The following ANKS1B variants were observed in gnomAD, a reference collection of about 807,000 sequenced individuals.
ANKS1B encodes the protein ankyrin repeat and sterile alpha motif domain-containing protein 1B.
A neutral mutation model predicts 148.3 loss-of-function variants in ANKS1B; 36 were observed. The ratio of observed to expected loss-of-function variants is 0.24; its 90% CI spans 0.19 to 0.32. ANKS1B has a LOEUF of 0.32. ANKS1B is among the 10% of genes least tolerant of loss of function. ANKS1B has a pLI of 1.00. For missense variants in ANKS1B, 1,157 were observed against 1,542.6 expected, an observed-to-expected ratio of 0.75 and a Z score of 4.19; for synonymous variants, 542 against 560.8, an observed-to-expected ratio of 0.97 and a Z score of 0.47.
chr12:98,789,961 A>G (rs1435061653), intron 22 of ANKS1B, among the ~76,000 whole-genome samples: 1 of 152,226 alleles, frequency 6.6e-6, no homozygotes, highest in Non-Finnish European at 1.5e-5. Context: ...TTACACAAGC[A>G]TAAGATGTTA....
chr12:99,110,008 G>A (rs2059983323), intron 15 of ANKS1B, among the ~76,000 whole-genome samples: 1 of 152,138 alleles, frequency 6.6e-6, no homozygotes, highest in Admixed American at 6.6e-5. Context: ...GCTAATTAGT[G>A]ACAGAACTTG....
intron 12 of ANKS1B, among the ~76,000 whole-genome samples, chr12:99,319,669 C>A (rs1428524546): frequency 1.3e-5 from 2 of 152,148 alleles, no homozygotes. Flanking sequence ...GCATTTAGCC[C>A]ATTTACATTT....
intron 25 of ANKS1B, 90 bp downstream of exon 25, chr12:98,772,952 G>C: frequency 6.9e-7 from 1 of 1,446,506 alleles, no homozygotes; most frequent in African/African-American, 1.4e-5. Context: ...AACAAGCCAA[G>C]CTAGTGTGTT....
chr12:99,769,026 C>G (rs1421843645), intron 8 of ANKS1B, among the ~76,000 whole-genome samples: 1 of 148,942 alleles, frequency 6.7e-6, no homozygotes, highest in Non-Finnish European at 1.5e-5. Context: ...TTTTTTTTTC[C>G]AAGCCACCCA....
At chr12:98,893,348 C>T (rs920441919) in intron 17 of ANKS1B, among the ~76,000 whole-genome samples, 49 of 152,160 alleles carry the variant, frequency 3.2e-4, no homozygotes, top group African/African-American at 1.1e-3. Flanking sequence ...ACCCAGATAC[C>T]AGCGGCATCC....
intron 1 of ANKS1B, among the ~76,000 whole-genome samples, chr12:99,903,756 A>G (rs7132698): frequency 6.6e-6 from 1 of 151,636 alleles, no homozygotes; most frequent in Non-Finnish European, 1.5e-5. Flanking sequence ...GGAGGGGGGG[A>G]GAGGGATAAA....
At chr12:99,044,438 C>A (rs1483858627) in intron 17 of ANKS1B, among the ~76,000 whole-genome samples, 1 of 150,694 alleles carries the variant, frequency 6.6e-6, no homozygotes, top group Non-Finnish European at 1.5e-5. Context: ...CAGGAGTAAG[C>A]CATGAGGGTT....
intron 15 of ANKS1B, among the ~76,000 whole-genome samples, chr12:99,092,422 CAGTT>C (rs2054344616): frequency 7.3e-6 from 1 of 137,148 alleles, no homozygotes; most frequent in Non-Finnish European, 1.5e-5. Context: ...GAAAGGAAAA[CAGTT>C]AGCAGCTGTC....
chr12:99,320,456 T>G (rs1228797108), intron 12 of ANKS1B, among the ~76,000 whole-genome samples: 1 of 152,214 alleles, frequency 6.6e-6, no homozygotes, highest in Non-Finnish European at 1.5e-5. Context: ...CTTCAATCAC[T>G]GATACCCTTT....
At chr12:99,751,812 A>C (rs1017060861) in intron 8 of ANKS1B, among the ~76,000 whole-genome samples, 3 of 152,102 alleles carry the variant, frequency 2.0e-5, no homozygotes, top group Admixed American at 6.6e-5. Flanking sequence ...TTGGGACTCT[A>C]TATTATAAAA....
intron 1 of ANKS1B, among the ~76,000 whole-genome samples, chr12:99,902,845 G>A (rs1332401438): frequency 4.0e-5 from 6 of 151,588 alleles, no homozygotes; most frequent in African/African-American, 9.7e-5. Context: ...CCACCTCCTG[G>A]GTTAAAGCAA....
At chr12:99,557,832 G>T in intron 9 of ANKS1B, among the ~76,000 whole-genome samples, 1 of 152,120 alleles carries the variant, frequency 6.6e-6, no homozygotes, top group African/African-American at 2.4e-5. Context: ...TTTAGATGAG[G>T]TTTTTTGCTT....
chr12:98,895,135 C>T (rs1191418197), intron 17 of ANKS1B: 1 of 985,176 alleles, frequency 1.0e-6, no homozygotes, highest in African/African-American at 1.8e-5. Context: ...GGGCTTACCG[C>T]TCGGGCGGAC....
intron 15 of ANKS1B, among the ~76,000 whole-genome samples, chr12:99,094,985 T>C (rs2055451522): frequency 6.6e-6 from 1 of 150,524 alleles, no homozygotes; most frequent in African/African-American, 2.5e-5. Flanking sequence ...GGAAATGTGA[T>C]GAAATATGAC....
At chr12:98,872,697 G>C (rs1055269730) in intron 17 of ANKS1B, among the ~76,000 whole-genome samples, 3 of 152,168 alleles carry the variant, frequency 2.0e-5, no homozygotes, top group Admixed American at 6.5e-5. Flanking sequence ...AAGCTAAGGA[G>C]AGAGGTCTCA....
At chr12:99,404,246 A>T in intron 11 of ANKS1B, among the ~76,000 whole-genome samples, 1 of 145,872 alleles carries the variant, frequency 6.9e-6, no homozygotes, top group Non-Finnish European at 1.5e-5. Flanking sequence ...CCTGGGTGAC[A>T]AAATAATCTG....
chr12:98,902,858 G>A (rs77607624), intron 17 of ANKS1B, among the ~76,000 whole-genome samples: 5,169 of 152,258 alleles, frequency 0.034, 276 homozygotes, highest in African/African-American at 0.12. Flanking sequence ...AGTTATTCCA[G>A]CTTATCAACA....
intron 4 of ANKS1B, among the ~76,000 whole-genome samples, chr12:99,787,573 T>C (rs2065143402): frequency 6.6e-6 from 1 of 152,196 alleles, no homozygotes; most frequent in South Asian, 2.1e-4. Flanking sequence ...AATTGCAGAA[T>C]ATAAGCCTAC....
intron 12 of ANKS1B, among the ~76,000 whole-genome samples, chr12:99,280,607 G>A (rs1409747773): frequency 2.0e-5 from 3 of 152,258 alleles, no homozygotes; most frequent in African/African-American, 7.2e-5. Context: ...ACTGAGTACA[G>A]TAGATTGCCC....
Sources: gnomAD v4.1 joint callset for allele counts (sites outside exome capture counted in the v4.1 genomes callset) on GRCh38, gnomAD v4.1.1 for gene constraint, MANE v1.5 for transcripts, NCBI Gene and HGNC (gene_info 2026-07-23, HGNC 2026-07-21) for gene names.